Variants in SLC1A6 observed in about 807,000 individuals in gnomAD.
SLC1A6 encodes the protein solute carrier family 1 member 6, also known as excitatory amino acid transporter 4.
Under a neutral mutation model 42.1 loss-of-function variants are expected in SLC1A6, and 15 were observed. The ratio of observed to expected loss-of-function variants is 0.36; its 90% CI spans 0.24 to 0.55. The LOEUF (loss-of-function observed/expected upper bound fraction) is 0.55, where lower values mean the gene tolerates loss of function less well. Among genes scored for constraint, SLC1A6 ranks in the 20% least tolerant of loss-of-function variants. The pLI, the probability that SLC1A6 is intolerant of heterozygous loss-of-function variation, is 0.88. For synonymous variants in SLC1A6, 317 were observed against 319.7 expected (o/e 0.99, Z 0.09); for missense variants, 542 against 772.5 (o/e 0.70, Z 3.54).
At chr19:14,985,125 G>A (rs893732005) in intron 1 of SLC1A6, among the ~76,000 whole-genome samples, 16 of 152,330 alleles carry the variant, frequency 1.1e-4, no homozygotes, top group Non-Finnish European at 1.5e-4. Flanking sequence ...TAGGTGATCC[G>A]CCCGCATCGG....
Position 14,968,634 on chromosome 19 carries a change from G to GGGAAA in SLC1A6, c.344-128_344-127insTTTCC. ...CCCACCAAGCATCCCTTTTCCTATA[G>GGGAAA]CCCACCCCAAAACCCACCCATTACC... On this transcript the variant is annotated intron_variant, in intron 3 of 9. Transcript: ENST00000594383. 3.8e-6 allele frequency: 3 copies of GGGAAA among 785,040 alleles called. No individual in the cohort carries two copies. The South Asian group carries it at 5.4e-5, about 14-fold the overall frequency. 48.6% of individuals were successfully genotyped at this position (785,040 alleles called of 1,614,324 possible). A position where few individuals can be genotyped will look rare whatever the true frequency, so the allele number is the denominator to read the frequency against.
rs2145221988 is a variant in SLC1A6, at chr19:14,979,577, G to T, written c.-276C>A. On this transcript the variant is annotated 5_prime_UTR_variant, in exon 1 of 10. Transcript: ENST00000594383. This position sits in a 1 kb window ranked among gnomAD's most constrained non-coding sequence, Gnocchi z 4.2. ...GCCTGCGCGCTGCGCCCGGATGCAG[G>T]AGCCGGAGCCCGGCGAAGCGCCCGG... The T allele has an allele frequency of 6.6e-6, 1 of 151,090 alleles. No homozygotes were observed. Among genetic ancestry groups the T allele is most frequent in the South Asian group, 2.1e-4 (1 of 4,830 alleles). The allele number at this position is 151,090 out of a possible 1,614,324, so 9.4% of individuals were successfully genotyped here.
chr19:14,961,715 C>A, intron 6 of SLC1A6: 1 of 366,638 alleles, frequency 2.7e-6, no homozygotes, highest in East Asian at 5.2e-5. Context: ...ATGAACAAAG[C>A]AGTGAATGAA....
At chr19:14,960,014 A>C (rs1057345673) in intron 6 of SLC1A6, among the ~76,000 whole-genome samples, 23 of 152,206 alleles carry the variant, frequency 1.5e-4, no homozygotes, top group African/African-American at 5.3e-4. Context: ...GTATGAGTGC[A>C]CTGTATCTCT....
chr19:14,975,674 A>C (rs968125427), intron 1 of SLC1A6, among the ~76,000 whole-genome samples: 36 of 150,992 alleles, frequency 2.4e-4, no homozygotes, highest in African/African-American at 8.8e-4. Context: ...ATCGCTTTGA[A>C]CCCAGGAGGC....
At chr19:14,998,556 C>CA (rs1280143213) in intron 1 of SLC1A6, among the ~76,000 whole-genome samples, 30 of 151,828 alleles carry the variant, frequency 2.0e-4, no homozygotes, top group African/African-American at 1.9e-4. Flanking sequence ...ACAAACAAAA[C>CA]AAAAAAATAA....
At chr19:14,983,459 G>A (rs1346590459), upstream of SLC1A6, among the ~76,000 whole-genome samples, 1 of 151,998 alleles carries the variant, frequency 6.6e-6, no homozygotes, top group Non-Finnish European at 1.5e-5. Flanking sequence ...GCCAAGACAG[G>A]AGGATTACTT....
upstream of SLC1A6, among the ~76,000 whole-genome samples, chr19:14,981,464 T>C (rs1011343609): frequency 6.6e-6 from 1 of 152,150 alleles, no homozygotes; most frequent in Non-Finnish European, 1.5e-5. Flanking sequence ...CTGGACCACA[T>C]TGGCAACCCC....
At chr19:14,950,626 T>A (rs1228298325) in intron 9 of SLC1A6, among the ~76,000 whole-genome samples, 3 of 152,008 alleles carry the variant, frequency 2.0e-5, no homozygotes, top group Non-Finnish European at 2.9e-5. Flanking sequence ...TGATATTTTT[T>A]AAAAAATGAG....
At chr19:14,960,973 G>A (rs555228157) in intron 6 of SLC1A6, among the ~76,000 whole-genome samples, 190 of 146,494 alleles carry the variant, frequency 1.3e-3, no homozygotes, top group African/African-American at 4.7e-3. Context: ...TGTCACCCAG[G>A]CAACCACAAC....
rs1429058190 is a variant in SLC1A6 at position 14,971,880 on chromosome 19, GC to G, written c.206-7del. 3 of 1,613,916 alleles carry G rather than the reference GC, an allele frequency of 1.9e-6. No individual in the cohort carries two copies. The Admixed American group carries it at 5.0e-5, about 27-fold the overall frequency. On this transcript the variant is annotated splice_region_variant and splice_polypyrimidine_tract_variant and intron_variant, in intron 2 of 9. Coordinates refer to ENST00000594383, the MANE Select transcript of SLC1A6 (RefSeq NM_005071.3). ...GGCAAAGGCCAGGCTGACCCCTAGG[GC>G]CAAAAGAAGGGGTCCATGGACTGAA...
chr19:15,007,444 T>A (rs2045901106), intron 1 of SLC1A6, among the ~76,000 whole-genome samples: 1 of 152,104 alleles, frequency 6.6e-6, no homozygotes, highest in Non-Finnish European at 1.5e-5. Context: ...ATTGGTGAAG[T>A]GTTCTAGAAT....
chr19:15,007,697 C>G (rs945245516), intron 1 of SLC1A6, among the ~76,000 whole-genome samples: 2 of 152,014 alleles, frequency 1.3e-5, no homozygotes, highest in African/African-American at 2.4e-5. Flanking sequence ...TCTAGAGGCT[C>G]TTAGAGTCAA....
intron 5 of SLC1A6, 62 bp from the exon 6 acceptor site, chr19:14,962,407 A>G (rs2045524378): frequency 2.4e-6 from 3 of 1,255,082 alleles, no homozygotes; most frequent in South Asian, 1.3e-5. Context: ...TCGCCTGGAG[A>G]AATTCCTTGA....
chr19:14,952,828 C>T (rs2045425738), intron 9 of SLC1A6, 100 bp downstream of exon 9: 2 of 1,425,250 alleles, frequency 1.4e-6, no homozygotes. Flanking sequence ...TGGACCACTG[C>T]ATCTTTGCTG....
At chr19:14,975,767 G>A (rs112401307) in intron 1 of SLC1A6, among the ~76,000 whole-genome samples, 1 of 130,066 alleles carries the variant, frequency 7.7e-6, no homozygotes. Flanking sequence ...AAAAAAAAAG[G>A]AAAAAAAAAA....
chr19:14,965,659 G>A (rs2045565767), intron 4 of SLC1A6, among the ~76,000 whole-genome samples: 3 of 152,144 alleles, frequency 2.0e-5, no homozygotes, highest in African/African-American at 7.2e-5. Context: ...AGACCAGCCT[G>A]GCCAACATGA....
intron 7 of SLC1A6, among the ~76,000 whole-genome samples, chr19:14,955,606 G>T (rs2045454855): frequency 6.6e-6 from 1 of 151,588 alleles, no homozygotes; most frequent in Non-Finnish European, 1.5e-5. Flanking sequence ...GTGATAGAGT[G>T]AGGCCTCATG....
intron 1 of SLC1A6, among the ~76,000 whole-genome samples, chr19:14,990,061 C>T (rs1367970469): frequency 6.6e-6 from 1 of 151,918 alleles, no homozygotes; most frequent in Non-Finnish European, 1.5e-5. Flanking sequence ...ATCCTGCAGT[C>T]CCACTACTGG....
Sources: gnomAD v4.1 joint callset for allele counts (sites outside exome capture counted in the v4.1 genomes callset) on GRCh38, gnomAD v4.1.1 for gene constraint, Gnocchi (gnomAD v3.1) non-coding constraint, MANE v1.5 for transcripts, NCBI Gene and HGNC (gene_info 2026-07-23, HGNC 2026-07-21) for gene names.